The following LCOR variants were observed in gnomAD, a reference collection of about 807,000 sequenced individuals.
The protein encoded by LCOR is ligand dependent nuclear receptor corepressor, also known as ligand-dependent corepressor.
A neutral mutation model predicts 64.4 loss-of-function variants in LCOR; 14 were observed. The ratio of observed to expected loss-of-function variants is 0.22; its 90% CI spans 0.14 to 0.34. The LOEUF is 0.34. LCOR is among the 10% of genes least tolerant of loss of function. The pLI is 1.00. For synonymous variants in LCOR, 643 were observed against 642.5 expected, an observed-to-expected ratio of 1.00 and a Z score of -0.01; for missense variants, 1,686 against 1,765.3, an observed-to-expected ratio of 0.96 and a Z score of 0.80.
intron 2 of LCOR, among the ~76,000 whole-genome samples, chr10:96,885,416 C>G (rs984520849): frequency 1.1e-4 from 17 of 152,096 alleles, no homozygotes; most frequent in African/African-American, 4.1e-4. Context: ...GGCTTTCACT[C>G]TGTTTCCCAG....
intron 4 of LCOR, among the ~76,000 whole-genome samples, chr10:96,916,624 T>A (rs1326304922): frequency 6.7e-6 from 1 of 150,282 alleles, no homozygotes; most frequent in Non-Finnish European, 1.5e-5. Context: ...TATGATTATT[T>A]ATTTTTTTGA....
intron 7 of LCOR, chr10:96,956,171 C>T: frequency 7.8e-7 from 1 of 1,279,622 alleles, no homozygotes; most frequent in Non-Finnish European, 9.9e-7. Context: ...ATTGAGTTAC[C>T]TCACAGAGAA....
chr10:96,931,096 A>C (rs1254812156), intron 4 of LCOR, among the ~76,000 whole-genome samples: 1 of 152,098 alleles, frequency 6.6e-6, no homozygotes, highest in Non-Finnish European at 1.5e-5. Flanking sequence ...TTTTACTATT[A>C]TTACAAATTA....
intron 2 of LCOR, among the ~76,000 whole-genome samples, chr10:96,893,560 C>A (rs892128828): frequency 1.3e-5 from 2 of 152,086 alleles, no homozygotes; most frequent in African/African-American, 2.4e-5. Context: ...GTCAGGAGTT[C>A]TAGACCAGCC....
chr10:96,933,241 A>G (rs1049462460), intron 4 of LCOR, among the ~76,000 whole-genome samples: 1 of 152,196 alleles, frequency 6.6e-6, no homozygotes, highest in Non-Finnish European at 1.5e-5. Context: ...AGTTGTTTTT[A>G]CTTTCTCTTT....
At chr10:96,853,462 A>T (rs1845753153) in intron 2 of LCOR, among the ~76,000 whole-genome samples, 1 of 152,244 alleles carries the variant, frequency 6.6e-6, no homozygotes, top group African/African-American at 2.4e-5. Flanking sequence ...CTTATCAATC[A>T]CAAAACCTTA....
intron 2 of LCOR, among the ~76,000 whole-genome samples, chr10:96,840,738 G>A (rs771764654): frequency 1.3e-5 from 2 of 152,140 alleles, no homozygotes; most frequent in Non-Finnish European, 2.9e-5. Context: ...AGAGCTTAAA[G>A]ACAAAAAATA....
intron 2 of LCOR, among the ~76,000 whole-genome samples, chr10:96,837,535 G>A (rs1357489370): frequency 3.3e-5 from 5 of 152,156 alleles, no homozygotes; most frequent in African/African-American, 7.2e-5. Flanking sequence ...GATTACAGGC[G>A]TGAGCCACCG....
At chr10:96,980,666 G>A (rs141344852) in intron 7 of LCOR, 127 bp from the exon 8 acceptor site, 14 of 582,672 alleles carry the variant, frequency 2.4e-5, no homozygotes, top group Non-Finnish European at 3.3e-5. Flanking sequence ...GGCCAACATA[G>A]CGAGACCCTG....
At chr10:96,833,050 G>A in intron 1 of LCOR, 1 of 986,326 alleles carries the variant, frequency 1.0e-6, no homozygotes, top group Non-Finnish European at 1.2e-6. Flanking sequence ...TCATGGCCGC[G>A]GGGGGCAGCG....
chr10:96,855,624 C>T (rs1172503309), intron 2 of LCOR, among the ~76,000 whole-genome samples: 3 of 151,398 alleles, frequency 2.0e-5, no homozygotes, highest in South Asian at 2.1e-4. Context: ...TTAGTAGAGA[C>T]GGGGTTTCAC....
chr10:96,837,197 A>T (rs369495036), intron 2 of LCOR, among the ~76,000 whole-genome samples: 1 of 152,034 alleles, frequency 6.6e-6, no homozygotes, highest in Non-Finnish European at 1.5e-5. Flanking sequence ...TCACCGTGTT[A>T]GCCAGGATGG....
intron 2 of LCOR, among the ~76,000 whole-genome samples, chr10:96,894,118 G>A (rs1846495854): frequency 6.6e-6 from 1 of 152,066 alleles, no homozygotes; most frequent in South Asian, 2.1e-4. Context: ...TTGTAATGGA[G>A]TCTCGCTCTG....
chr10:96,852,657 C>T (rs1845740189), intron 2 of LCOR, among the ~76,000 whole-genome samples: 1 of 152,134 alleles, frequency 6.6e-6, no homozygotes, highest in Non-Finnish European at 1.5e-5. Flanking sequence ...AAACAGGCTT[C>T]TTCAGAAGCC....
intron 7 of LCOR, chr10:96,954,904 C>T (rs1416082961): frequency 6.5e-7 from 1 of 1,532,590 alleles, no homozygotes; most frequent in Non-Finnish European, 8.9e-7. Context: ...ACCCATCCCT[C>T]CCTACCTGTG....
chr10:96,982,309 G>T lies in LCOR; in HGVS notation c.1849G>T (p.Val617Leu), dbSNP rs777712061. 1.2e-6 allele frequency: 2 copies of T among 1,614,102 alleles called. No homozygotes were observed. The highest frequency in any genetic ancestry group is 1.7e-6 in the Non-Finnish European group (2 of 1,180,054). ...RSEETTASSL[V>L]WPLPAHLPEE... ...AGAGGAAACGACAGCCTCCAGCCTG[G>T]TGTGGCCTCTCCCTGCTCACCTTCC... Residue 617 changes from valine to leucine, a missense_variant, in exon 8 of 8, where the codon GTG (valine) becomes TTG (leucine). Physicochemically the swap from Val to Leu is conservative, Grantham distance 32. This residue lies in a region of LCOR where 1,293 missense variants were observed against 1,410.4 expected (regional missense o/e 0.92). Coordinates refer to ENST00000421806, the MANE Select transcript of LCOR (RefSeq NM_001346516.2).
intron 2 of LCOR, among the ~76,000 whole-genome samples, chr10:96,851,121 A>G (rs1055709175): frequency 6.6e-6 from 1 of 152,234 alleles, no homozygotes; most frequent in Admixed American, 6.5e-5. Flanking sequence ...CACGAGGGAC[A>G]TCTTTTCTGA....
rs773041729 is a variant in LCOR at position 96,955,537 on chromosome 10, A to G, written c.332+3341A>G. 75 of 1,614,046 alleles carry G rather than the reference A, an allele frequency of 4.6e-5. No homozygotes were observed. Among genetic ancestry groups the G allele is most frequent in the Non-Finnish European group, 6.4e-5 (75 of 1,180,036 alleles). On this transcript the variant is annotated intron_variant, in intron 7 of 7. Transcript: ENST00000421806. ...AAACAAAGTAGAAAAAGCATGTTAG[A>G]TGCTGGACCCGATTCTTGGGGCTCA...
chr10:96,906,269 G>A (rs1222311491), intron 2 of LCOR, among the ~76,000 whole-genome samples: 2 of 152,160 alleles, frequency 1.3e-5, no homozygotes, highest in Admixed American at 6.5e-5. Context: ...TTGAAAAGTA[G>A]TATGTATACT....
Sources: allele counts gnomAD v4.1 joint callset (sites outside exome capture counted in the v4.1 genomes callset), GRCh38; gene constraint gnomAD v4.1.1; regional missense constraint gnomAD v4.1.1; transcripts MANE v1.5; gene names NCBI Gene and HGNC (gene_info 2026-07-23, HGNC 2026-07-21).